Variants in EAPP observed in about 807,000 individuals in gnomAD.
EAPP encodes the protein E2F associated phosphoprotein.
Under a neutral mutation model 34.3 loss-of-function variants are expected in EAPP, and 38 were observed. The ratio of observed to expected loss-of-function variants is 1.11; its 90% CI spans 0.85 to 1.45. The LOEUF (loss-of-function observed/expected upper bound fraction) is 1.45, where lower values mean the gene tolerates loss of function less well. Ranked by LOEUF, EAPP falls within the 40% of genes most tolerant of loss-of-function variation. The pLI is 0.00. For synonymous variants in EAPP, 113 were observed against 117.6 expected (o/e 0.96, Z 0.25); for missense variants, 338 against 343.7 (o/e 0.98, Z 0.13).
intron 5 of EAPP, among the ~76,000 whole-genome samples, chr14:34,523,257 A>ATTTT (rs1879976929): frequency 8.9e-6 from 1 of 112,854 alleles, no homozygotes; most frequent in African/African-American, 3.0e-5. Flanking sequence ...TTTTTTTTTG[A>ATTTT]GACGGAGTCT....
intron 3 of EAPP, among the ~76,000 whole-genome samples, chr14:34,530,834 C>T (rs1043835479): frequency 6.6e-5 from 9 of 137,180 alleles, no homozygotes; most frequent in African/African-American, 1.9e-4. Context: ...AATACCAGCA[C>T]TTTGGGAGGA....
intron 3 of EAPP, among the ~76,000 whole-genome samples, chr14:34,530,159 C>A (rs1880235496): frequency 6.6e-6 from 1 of 151,924 alleles, no homozygotes; most frequent in Non-Finnish European, 1.5e-5. Context: ...GAGATCACGC[C>A]ATTGCACTCC....
chr14:34,538,659 C>A (rs983830314), intron 1 of EAPP, among the ~76,000 whole-genome samples: 6 of 151,526 alleles, frequency 4.0e-5, no homozygotes, highest in African/African-American at 1.5e-4. Flanking sequence ...TTAAGAGATT[C>A]TCTCGCCTCA....
At chr14:34,517,503 C>A (rs909345298) in intron 5 of EAPP, among the ~76,000 whole-genome samples, 1 of 152,052 alleles carries the variant, frequency 6.6e-6, no homozygotes, top group Admixed American at 6.6e-5. Context: ...TCCACCTCGG[C>A]CTCCTAAAGT....
chr14:34,519,954 G>A (rs1171197115), intron 5 of EAPP, among the ~76,000 whole-genome samples: 2 of 145,718 alleles, frequency 1.4e-5, no homozygotes, highest in Non-Finnish European at 3.0e-5. Context: ...GCGCAATCTT[G>A]GCTCACTGCA....
intron 1 of EAPP, 63 bp downstream of exon 1, chr14:34,539,492 G>T (rs762334942): frequency 2.9e-5 from 45 of 1,544,360 alleles, no homozygotes; most frequent in Non-Finnish European, 3.8e-5. Context: ...CGCAACGAAT[G>T]GAGGCGACCA....
At chr14:34,520,467 C>CCCAA (rs1879882300) in intron 5 of EAPP, among the ~76,000 whole-genome samples, 1 of 152,054 alleles carries the variant, frequency 6.6e-6, no homozygotes, top group African/African-American at 2.4e-5. Flanking sequence ...TCCCCTGCCT[C>CCCAA]CCAAAGTGCT....
At chr14:34,524,431 T>A (rs999595288) in intron 5 of EAPP, among the ~76,000 whole-genome samples, 7 of 150,754 alleles carry the variant, frequency 4.6e-5, no homozygotes, top group African/African-American at 1.7e-4. Context: ...TATCTATCTA[T>A]CTAGATCTAG....
intron 5 of EAPP, among the ~76,000 whole-genome samples, chr14:34,522,355 A>AT (rs2138887410): frequency 6.6e-6 from 1 of 152,172 alleles, no homozygotes; most frequent in East Asian, 1.9e-4. Flanking sequence ...TAAAACTGCT[A>AT]TTTTGAATTC....
Position 34,516,251 on chromosome 14 carries a change from G to A in EAPP, c.*59C>T, listed in dbSNP as rs1025532183. The A allele has an allele frequency of 1.5e-5, 22 of 1,470,388 alleles. No individual in the cohort carries two copies. The African/African-American group carries it at 2.4e-4, about 16-fold the overall frequency. The allele number at this position is 1,470,388 out of a possible 1,614,324, so 91.1% of individuals were successfully genotyped here. ...AAGGATATGAACAGGCAAGAGGAAAGTAACTGTCCATATTTGCCTTATATA... is the reference window on the plus strand; with the variant it reads ...AAGGATATGAACAGGCAAGAGGAAAATAACTGTCCATATTTGCCTTATATA... On this transcript the variant is annotated 3_prime_UTR_variant, in exon 6 of 6. Coordinates refer to ENST00000250454, the MANE Select transcript of EAPP (RefSeq NM_018453.4).
chr14:34,524,149 T>G (rs1880014363), intron 5 of EAPP, among the ~76,000 whole-genome samples: 1 of 152,078 alleles, frequency 6.6e-6, no homozygotes, highest in Non-Finnish European at 1.5e-5. Flanking sequence ...CCCAGCACTT[T>G]GGGAGGCCAA....
At chr14:34,535,798 G>A (rs1239101488) in intron 2 of EAPP, 2 of 240,294 alleles carry the variant, frequency 8.3e-6, no homozygotes, top group Non-Finnish European at 1.6e-5. Context: ...TCAAGAAACG[G>A]AGGTGGGAAG....
chr14:34,535,992 T>G (rs775855553), intron 2 of EAPP, 102 bp downstream of exon 2: 8 of 742,756 alleles, frequency 1.1e-5, no homozygotes, highest in Non-Finnish European at 1.5e-5. Context: ...AAATATTTAT[T>G]GAGCACCTAC....
intron 5 of EAPP, 51 bp downstream of exon 5, chr14:34,524,646 A>G: frequency 1.1e-6 from 1 of 921,414 alleles, no homozygotes; most frequent in South Asian, 1.6e-5. Flanking sequence ...TCTAATTTAA[A>G]CAAAATATGT....
intron 2 of EAPP, among the ~76,000 whole-genome samples, chr14:34,534,145 T>C (rs1880385127): frequency 6.6e-6 from 1 of 151,988 alleles, no homozygotes; most frequent in African/African-American, 2.4e-5. Flanking sequence ...CTTTTTTTTT[T>C]TTTTTGAGAC....
chr14:34,528,414 CCTT>C (rs1256817544), intron 4 of EAPP, among the ~76,000 whole-genome samples: 1,448 of 53,976 alleles, frequency 0.027, 25 homozygotes, highest in African/African-American at 0.062. Flanking sequence ...TCCACAAAAC[CCTT>C]TTTTTTTTTT....
At chr14:34,530,536 A>G (rs914258538) in intron 3 of EAPP, among the ~76,000 whole-genome samples, 3 of 152,076 alleles carry the variant, frequency 2.0e-5, no homozygotes, top group African/African-American at 7.2e-5. Context: ...CTAAAAAAGT[A>G]AAAAATTTAA....
At chr14:34,521,209 C>T (rs1010349887) in intron 5 of EAPP, among the ~76,000 whole-genome samples, 11 of 150,990 alleles carry the variant, frequency 7.3e-5, no homozygotes, top group Non-Finnish European at 5.9e-5. Flanking sequence ...GCTTGGATTA[C>T]AGGCATGCAC....
intron 3 of EAPP, among the ~76,000 whole-genome samples, chr14:34,530,523 T>C (rs989782364): frequency 6.6e-6 from 1 of 151,784 alleles, no homozygotes; most frequent in African/African-American, 2.4e-5. Context: ...GTGAGACCTA[T>C]CTCTAAAAAA....
Sources: allele counts gnomAD v4.1 joint callset (sites outside exome capture counted in the v4.1 genomes callset), GRCh38; gene constraint gnomAD v4.1.1; transcripts MANE v1.5; gene names NCBI Gene and HGNC (gene_info 2026-07-23, HGNC 2026-07-21).